Variants in CAPN15 observed in about 807,000 individuals in gnomAD.
The protein encoded by CAPN15 is calpain 15, also known as calpain-15.
Under a neutral mutation model 97.9 loss-of-function variants are expected in CAPN15, and 53 were observed. The ratio of observed to expected loss-of-function variants is 0.54; its 90% CI spans 0.43 to 0.68. The LOEUF (loss-of-function observed/expected upper bound fraction) is 0.68, where lower values mean the gene tolerates loss of function less well. Among genes scored for constraint, CAPN15 ranks in the 30% least tolerant of loss-of-function variants. CAPN15 has a pLI of 0.00. For missense variants in CAPN15, 1,592 were observed against 1,589.8 expected (o/e 1.00, Z -0.02); for synonymous variants, 922 against 722.5 (o/e 1.28, Z -4.43).
chr16:548,298 C>T lies in CAPN15; in HGVS notation c.1449+11C>T. The T allele has an allele frequency of 6.8e-7, 1 of 1,462,998 alleles. No individual in the cohort carries two copies. The highest frequency in any genetic ancestry group is 9.0e-7 in the Non-Finnish European group (1 of 1,107,444). The allele number at this position is 1,462,998 out of a possible 1,614,324, so 90.6% of individuals were successfully genotyped here. A position where few individuals can be genotyped will look rare whatever the true frequency, so the allele number is the denominator to read the frequency against. ...GCCTTCTGCCGGGAGGTGAGGCGCC[C>T]CCTCGCCCTCTTCCTGCTCCTGAGC... On this transcript the variant is annotated intron_variant, in intron 4 of 13. Transcript: ENST00000219611.
intron 3 of CAPN15, among the ~76,000 whole-genome samples, chr16:536,504 C>T (rs1259034759): frequency 1.3e-5 from 2 of 152,040 alleles, no homozygotes; most frequent in Admixed American, 6.5e-5. Context: ...CTCACTGCAA[C>T]CTCCGCCTCC....
At chr16:534,078 A>T (rs1311293057) in intron 2 of CAPN15, 80 bp downstream of exon 2, 2 of 651,350 alleles carry the variant, frequency 3.1e-6, no homozygotes, top group Non-Finnish European at 1.8e-6. Flanking sequence ...GCAGGGTTGG[A>T]GTGCCCACGG....
In CAPN15 at chr16:542,824, C is replaced by T. The variant is rs183473328; in HGVS notation, c.-22-3993C>T. 5.7e-3 allele frequency among the ~76,000 whole-genome samples: 874 copies of T among 152,240 alleles called. 4 individuals carry two copies. The highest frequency in any genetic ancestry group is 0.02 in the African/African-American group (829 of 41,522). Reference sequence around the variant, plus strand: ...ATCCCAGCACTTTGGGAGGCCGAGGCGGGTAGATCACCTGAGGTCAGGAGT... The same window carrying T: ...ATCCCAGCACTTTGGGAGGCCGAGGTGGGTAGATCACCTGAGGTCAGGAGT... On this transcript the variant is annotated intron_variant, in intron 3 of 13. Coordinates refer to ENST00000219611, the MANE Select transcript of CAPN15 (RefSeq NM_005632.3).
At chr16:533,898 T>C in intron 1 of CAPN15, 48 bp from the exon 2 acceptor site, 2 of 947,786 alleles carry the variant, frequency 2.1e-6, no homozygotes, top group Non-Finnish European at 2.5e-6. Flanking sequence ...AGGGTCAGAG[T>C]CCTCCTGGTG....
chr16:546,134 T>C (rs2034564976), intron 3 of CAPN15, among the ~76,000 whole-genome samples: 1 of 152,226 alleles, frequency 6.6e-6, no homozygotes, highest in Non-Finnish European at 1.5e-5. Context: ...CACGCGGGGC[T>C]GAGCGCAGGG....
At chr16:541,774 C>G (rs1447448180) in intron 3 of CAPN15, among the ~76,000 whole-genome samples, 1 of 152,278 alleles carries the variant, frequency 6.6e-6, no homozygotes, top group South Asian at 2.1e-4. Flanking sequence ...CCAGAGGGAC[C>G]CTCAGCCCCA....
At chr16:543,817 C>T (rs913310597) in intron 3 of CAPN15, among the ~76,000 whole-genome samples, 3 of 152,168 alleles carry the variant, frequency 2.0e-5, no homozygotes, top group Non-Finnish European at 4.4e-5. Context: ...ACAGCCCTGG[C>T]GTTTACTGAA....
chr16:550,407 G>A (rs1349659389), intron 7 of CAPN15, among the ~76,000 whole-genome samples: 2 of 152,236 alleles, frequency 1.3e-5, no homozygotes, highest in Non-Finnish European at 1.5e-5. Flanking sequence ...GGCCCTGTGC[G>A]CTTCAGGCAT....
intron 3 of CAPN15, among the ~76,000 whole-genome samples, chr16:542,478 G>A (rs1010006196): frequency 1.3e-5 from 2 of 152,144 alleles, no homozygotes; most frequent in Admixed American, 1.3e-4. Flanking sequence ...CCGTCCCAGG[G>A]GGTGGGAGCT....
In CAPN15 at chr16:549,213, T is replaced by C. The variant is rs771557968; in HGVS notation, c.1658+12T>C. On this transcript the variant is annotated intron_variant, in intron 5 of 13. Transcript: ENST00000219611. ...CTGGGGAACTGCTGGTGAGGCCTTC[T>C]CCAAGGCCGGGGTGGGGCGGGTGGG... 1.5e-5 allele frequency: 8 copies of C among 538,094 alleles called. No individual in the cohort carries two copies. The highest frequency in any genetic ancestry group is 1.3e-4 in the African/African-American group (5 of 38,346). The allele number at this position is 538,094 out of a possible 1,614,324, so 33.3% of individuals were successfully genotyped here.
chr16:531,174 A>C (rs140188445), intron 1 of CAPN15, among the ~76,000 whole-genome samples: 1 of 152,230 alleles, frequency 6.6e-6, no homozygotes, highest in Non-Finnish European at 1.5e-5. Context: ...ACTTCTCTTC[A>C]AAAAGTTGCC....
chr16:530,161 G>T (rs981248712), intron 1 of CAPN15, among the ~76,000 whole-genome samples: 2 of 152,240 alleles, frequency 1.3e-5, no homozygotes, highest in African/African-American at 4.8e-5. Flanking sequence ...GCTGAGGTCT[G>T]TGCGGTTCTC....
At chr16:548,363 G>A (rs1191713783) in intron 4 of CAPN15, 76 bp downstream of exon 4, 2 of 1,362,290 alleles carry the variant, frequency 1.5e-6, no homozygotes, top group South Asian at 1.6e-5. Flanking sequence ...TTTGGGCTCT[G>A]GCGATGGGCT....
intron 1 of CAPN15, chr16:528,719 A>C (rs1682154151): frequency 1.0e-6 from 1 of 985,246 alleles, no homozygotes; most frequent in Non-Finnish European, 1.2e-6. Context: ...ACCGGACTGC[A>C]GGTAACAAGA....
chr16:530,264 C>T (rs1322860021), intron 1 of CAPN15, among the ~76,000 whole-genome samples: 2 of 152,206 alleles, frequency 1.3e-5, no homozygotes, highest in African/African-American at 2.4e-5. Context: ...CTGGATGTGG[C>T]GCCGAGGGCA....
Position 554,487 on chromosome 16 carries a change from T to C in CAPN15, c.*971T>C, listed in dbSNP as rs1199090038. On this transcript the variant is annotated 3_prime_UTR_variant, in exon 14 of 14. Transcript: ENST00000219611. ...TTTGGCCTCCCTGTACTCTGAGCTG[T>C]GAATATTTTTAACCCTGTAAATACG... 2 of 455,078 alleles carry C rather than the reference T, an allele frequency of 4.4e-6. No individual in the cohort carries two copies. The highest frequency in any genetic ancestry group is 8.8e-6 in the Non-Finnish European group (2 of 226,730). 28.2% of individuals were successfully genotyped at this position (455,078 alleles called of 1,614,324 possible).
rs201954999 is a variant in CAPN15 at position 551,287 on chromosome 16, C to T, written c.2067-15C>T. The T allele has an allele frequency of 2.5e-4, 400 of 1,580,062 alleles. No homozygotes were observed. Among genetic ancestry groups the T allele is most frequent in the Middle Eastern group, 2.0e-3 (12 of 5,894 alleles). On this transcript the variant is annotated splice_polypyrimidine_tract_variant and intron_variant, in intron 7 of 13. Coordinates refer to ENST00000219611, the MANE Select transcript of CAPN15 (RefSeq NM_005632.3). ...GGTGAGGGTCCCGGTCGGTGAGGGC[C>T]GCTCTGCCACACAGGTTCCTCATGG...
rs1463643320 is a variant in CAPN15 at position 554,571 on chromosome 16, AG to A, written c.*1057del. 2.2e-6 allele frequency: 1 copy of A among 456,148 alleles called. No homozygotes were observed. The highest frequency in any genetic ancestry group is 4.4e-6 in the Non-Finnish European group (1 of 226,758). The allele number at this position is 456,148 out of a possible 1,614,324, so 28.3% of individuals were successfully genotyped here. On this transcript the variant is annotated 3_prime_UTR_variant, in exon 14 of 14. Transcript: ENST00000219611. ...ATTGTCAGTCCCGTTCCTTTACCATAGGATTCTCCACAGTGGCTTCCGACTC... is the reference window on the plus strand; with the variant it reads ...ATTGTCAGTCCCGTTCCTTTACCATAGATTCTCCACAGTGGCTTCCGACTC...
In CAPN15 at chr16:552,879, C is replaced by G; in HGVS notation, c.2921C>G (p.Thr974Ser). The G allele has an allele frequency of 6.2e-7, 1 of 1,606,032 alleles. No homozygotes were observed. The highest frequency in any genetic ancestry group is 8.5e-7 in the Non-Finnish European group (1 of 1,175,962). ...GERHEGREGMTCYYLTHGWAG... is the reference protein window; with the variant it reads ...GERHEGREGMSCYYLTHGWAG... ...TGTGCCCAGGGCCGTGAGGGCATGA[C>G]CTGCTACTACCTGACACACGGTTGG... The change falls in exon 13 of 14, where the codon ACC (threonine) becomes AGC (serine). Residue 974 changes from threonine (T) to serine (S), a missense_variant. Thr to Ser is a moderately conservative substitution (Grantham distance 58, BLOSUM62 1). Coordinates refer to ENST00000219611, the MANE Select transcript of CAPN15 (RefSeq NM_005632.3). The surrounding 1 kb of genome is among the most constrained non-coding windows in gnomAD (Gnocchi z 6.4).
Sources: gnomAD v4.1 joint callset for allele counts (sites outside exome capture counted in the v4.1 genomes callset) on GRCh38, gnomAD v4.1.1 for gene constraint, Gnocchi (gnomAD v3.1) non-coding constraint, MANE v1.5 for transcripts, NCBI Gene and HGNC (gene_info 2026-07-23, HGNC 2026-07-21) for gene names.